The following HDGF variants were observed in gnomAD, a reference collection of about 807,000 sequenced individuals.
HDGF encodes heparin binding growth factor, also known as hepatoma-derived growth factor.
A neutral mutation model predicts 30.0 loss-of-function variants in HDGF; 5 were observed. That is an observed-to-expected ratio of 0.17 (90% CI 0.09 to 0.35). The LOEUF (loss-of-function observed/expected upper bound fraction) is 0.35. Among genes scored for constraint, HDGF ranks in the 10% least tolerant of loss-of-function variants. The pLI is 1.00. For missense variants in HDGF, 214 were observed against 302.8 expected (o/e 0.71, Z 2.18); for synonymous variants, 133 against 112.7 (o/e 1.18, Z -1.14).
chr1:156,744,135 GC>G lies in HDGF; in HGVS notation c.489+27del, dbSNP rs150585197. 1.1e-3 allele frequency: 1,787 copies of G among 1,608,726 alleles called. 24 individuals are homozygous for G. The African/African-American group carries it at 0.022, about 20-fold the overall frequency. On this transcript the variant is annotated intron_variant, in intron 4 of 5. Transcript: ENST00000357325. ...TACCCCATGGGGAATGTTGAGGGGG[GC>G]CCAGGCCCTGGGCAGGCAGCAGTTA... is the stretch of plus-strand genomic sequence containing the variant.
intron 3 of HDGF, 99 bp downstream of exon 3, chr1:156,744,909 G>A: frequency 1.4e-6 from 2 of 1,396,298 alleles, no homozygotes; most frequent in East Asian, 2.3e-5. Flanking sequence ...GAAAGCCCTG[G>A]AGTTTCTGAA....
At chr1:156,752,113 C>CA, upstream of HDGF, 1 of 1,551,598 alleles carries the variant, frequency 6.4e-7, no homozygotes, top group Non-Finnish European at 8.7e-7. Context: ...TCTCAATCCA[C>CA]AAATATTTAC....
chr1:156,747,250 GCC>G lies in HDGF; in HGVS notation c.88-1879_88-1878del, dbSNP rs1314352449. Among the ~76,000 whole-genome samples, 9 of 14,180 alleles carry G rather than the reference GCC, an allele frequency of 6.3e-4. 2 individuals are homozygous for G. The highest frequency in any genetic ancestry group is 2.1e-3 in the African/African-American group (7 of 3,324). 9.3% of individuals were successfully genotyped at this position (14,180 alleles called of 152,430 possible). ...TGACCGCCCCTCCCCCCTCCCCCCC[GCC>G]CCCCCCCCCCCGCCCCGCCGCCTTC... On this transcript the variant is annotated intron_variant, in intron 1 of 5. Coordinates refer to ENST00000357325, the MANE Select transcript of HDGF (RefSeq NM_004494.3).
At chr1:156,758,974 C>G (rs574425674) in intron 2 of HDGF, 1 of 152,322 alleles carries the variant, frequency 6.6e-6, no homozygotes, top group Non-Finnish European at 1.5e-5. Flanking sequence ...GGCTGAGTGA[C>G]GTGTGTACCT....
rs1344268881 is a variant in HDGF at position 156,758,342 on chromosome 1, AGCACTCTGGGAG to A, written n.373+629_373+640del. 1.3e-4 allele frequency among the ~76,000 whole-genome samples: 19 copies of A among 151,630 alleles called. No homozygotes were observed. The East Asian group carries it at 3.7e-3, about 29-fold the overall frequency. ...CGCGGTGGCTCACGCCTGTAATTCC[AGCACTCTGGGAG>A]GCTGAGGCAGGTGGATCATGAGGTC... is the stretch of plus-strand genomic sequence containing the variant. On this transcript the variant is annotated intron_variant and non_coding_transcript_variant, in intron 2 of 7. Coordinates refer to the HDGF transcript ENST00000465180.
chr1:156,756,606 A>G (rs185991184), upstream of HDGF, among the ~76,000 whole-genome samples: 55 of 152,298 alleles, frequency 3.6e-4, no homozygotes, highest in Admixed American at 5.9e-4. Context: ...ACCAGTTAAT[A>G]TATATGATAT....
At chr1:156,757,200 T>C (rs1361664726), upstream of HDGF, among the ~76,000 whole-genome samples, 2 of 151,268 alleles carry the variant, frequency 1.3e-5, no homozygotes, top group East Asian at 2.0e-4. Context: ...ATGTGGTGGC[T>C]CACGCCTGTA....
chr1:156,751,654 C>T lies in HDGF; in HGVS notation c.-225G>A. ...AAGGCTCCGGCGCGGTGGGTGCGCGCTCGTGCAGTTGTTTGTGTTTGAAAT... is the reference window on the plus strand; with the variant it reads ...AAGGCTCCGGCGCGGTGGGTGCGCGTTCGTGCAGTTGTTTGTGTTTGAAAT... On this transcript the variant is annotated 5_prime_UTR_variant, in exon 1 of 6. Coordinates refer to ENST00000357325, the MANE Select transcript of HDGF (RefSeq NM_004494.3). This position sits in a 1 kb window ranked among gnomAD's most constrained non-coding sequence, Gnocchi z 4.7. 6 of 1,027,336 alleles carry T rather than the reference C, an allele frequency of 5.8e-6. No individual in the cohort carries two copies. Among genetic ancestry groups the T allele is most frequent in the Non-Finnish European group, 7.0e-6 (6 of 858,434 alleles). 63.6% of individuals were successfully genotyped at this position (1,027,336 alleles called of 1,614,324 possible).
chr1:156,757,358 C>A (rs139779235), upstream of HDGF, among the ~76,000 whole-genome samples: 1 of 151,636 alleles, frequency 6.6e-6, no homozygotes, highest in Non-Finnish European at 1.5e-5. Flanking sequence ...CCTAGCTACT[C>A]GGGAGGCTGG....
At chr1:156,748,736 G>A (rs1211610861) in intron 1 of HDGF, among the ~76,000 whole-genome samples, 1 of 152,222 alleles carries the variant, frequency 6.6e-6, no homozygotes, top group East Asian at 1.9e-4. Context: ...AAGGCAGCAG[G>A]GAAGGCTAAG....
Position 156,742,647 on chromosome 1 carries a change from C to G in HDGF, c.*802G>C, listed in dbSNP as rs1199896242. On this transcript the variant is annotated 3_prime_UTR_variant, in exon 6 of 6. Transcript: ENST00000357325. The stretch of plus-strand genomic sequence containing the variant: ...AGCACTGTGTGGAGAGGAAAAAGGA[C>G]AGCTAGGAGTCTTCCCAAGCATCCT... 1 of 153,126 alleles carries G rather than the reference C, an allele frequency of 6.5e-6. No homozygotes were observed. Among genetic ancestry groups the G allele is most frequent in the Non-Finnish European group, 1.5e-5 (1 of 68,186 alleles). The allele number at this position is 153,126 out of a possible 1,614,324, so 9.5% of individuals were successfully genotyped here. A position where few individuals can be genotyped will look rare whatever the true frequency, so the allele number is the denominator to read the frequency against.
chr1:156,759,024 T>A (rs1651199800), exon 2 of HDGF: 1 of 152,234 alleles, frequency 6.6e-6, no homozygotes, highest in Non-Finnish European at 1.5e-5. Context: ...GGGAGTTGTA[T>A]TCCTGGGTTC....
intron 3 of HDGF, 163 bp from the exon 4 acceptor site, chr1:156,744,511 T>G: frequency 1.3e-6 from 2 of 1,570,896 alleles, no homozygotes; most frequent in Non-Finnish European, 1.7e-6. Context: ...CTCTGTCGGA[T>G]TAGCCCCGGG....
At chr1:156,757,379 T>C (rs1651170685), upstream of HDGF, among the ~76,000 whole-genome samples, 1 of 151,840 alleles carries the variant, frequency 6.6e-6, no homozygotes, top group African/African-American at 2.4e-5. Context: ...GGCAGGAGAA[T>C]CGCTTGAACC....
At chr1:156,752,925 G>A (rs1396047825), upstream of HDGF, among the ~76,000 whole-genome samples, 2 of 152,116 alleles carry the variant, frequency 1.3e-5, no homozygotes, top group African/African-American at 4.8e-5. Context: ...AAGTCTCCCT[G>A]CAAGGAAGTC....
intron 1 of HDGF, among the ~76,000 whole-genome samples, chr1:156,762,436 C>T (rs1204061741): frequency 1.3e-5 from 2 of 151,982 alleles, no homozygotes; most frequent in African/African-American, 4.8e-5. Flanking sequence ...GGCAGAGTGG[C>T]CTGTTTGTTT....
intron 3 of HDGF, 189 bp from the exon 4 acceptor site, chr1:156,744,537 G>A (rs753201553): frequency 7.1e-6 from 11 of 1,539,882 alleles, no homozygotes; most frequent in East Asian, 2.5e-5. Context: ...CCCACTGGCC[G>A]GGCAGGCAGG....
At chr1:156,760,149 C>G (rs1430312687) in intron 1 of HDGF, among the ~76,000 whole-genome samples, 2 of 152,214 alleles carry the variant, frequency 1.3e-5, no homozygotes, top group African/African-American at 4.8e-5. Context: ...ACAGCCACAG[C>G]CCCCAGGTGT....
At chr1:156,765,593 G>A (rs1651346639) in intron 1 of HDGF, among the ~76,000 whole-genome samples, 1 of 145,380 alleles carries the variant, frequency 6.9e-6, no homozygotes, top group Non-Finnish European at 1.5e-5. Context: ...TCCTGCCTCA[G>A]CCTCACGAGT....
Sources: gnomAD v4.1 joint callset for allele counts (sites outside exome capture counted in the v4.1 genomes callset) on GRCh38, gnomAD v4.1.1 for gene constraint, Gnocchi (gnomAD v3.1) non-coding constraint, MANE v1.5 for transcripts, NCBI Gene and HGNC (gene_info 2026-07-23, HGNC 2026-07-21) for gene names.